NTN1: variants seen among roughly 807,000 people sequenced by gnomAD.
NTN1 encodes netrin-1.
In NTN1, 11 loss-of-function variants were observed where a neutral mutation model predicts 54.2. The observed-to-expected ratio is 0.20, with a 90% confidence interval of 0.13 to 0.34. NTN1 has a LOEUF of 0.34. Among genes scored for constraint, NTN1 ranks in the 10% least tolerant of loss-of-function variants. NTN1 has a pLI of 1.00. For missense variants in NTN1, 740 were observed against 893.1 expected (o/e 0.83, Z 2.18); for synonymous variants, 371 against 382.0 (o/e 0.97, Z 0.33).
intron 2 of NTN1, among the ~76,000 whole-genome samples, chr17:9,048,374 C>A (rs1597469080): frequency 1.3e-5 from 2 of 151,702 alleles, no homozygotes; most frequent in South Asian, 4.2e-4. Flanking sequence ...ATATTAAGTA[C>A]ACCATGCTGT....
intron 2 of NTN1, among the ~76,000 whole-genome samples, chr17:9,055,194 C>A (rs969535287): frequency 3.9e-5 from 6 of 152,194 alleles, no homozygotes; most frequent in Admixed American, 3.3e-4. Flanking sequence ...TGCACTCATT[C>A]ATTCAGTCCA....
At chr17:9,042,946 GTT>G (rs1310673487) in intron 2 of NTN1, among the ~76,000 whole-genome samples, 1 of 152,158 alleles carries the variant, frequency 6.6e-6, no homozygotes, top group Non-Finnish European at 1.5e-5. Context: ...GTCCTTGAAG[GTT>G]TGTTAGAATT....
chr17:9,152,453 A>G (rs573359771), intron 2 of NTN1, among the ~76,000 whole-genome samples: 7 of 152,200 alleles, frequency 4.6e-5, no homozygotes, highest in African/African-American at 1.7e-4. Context: ...TTCCCCTGGG[A>G]AGGCTCCCAT....
chr17:9,158,235 A>G (rs2092348779), intron 2 of NTN1, among the ~76,000 whole-genome samples: 2 of 152,090 alleles, frequency 1.3e-5, no homozygotes, highest in Non-Finnish European at 2.9e-5. Context: ...TTTAGGAAGA[A>G]CCTTTTGTTG....
chr17:9,015,568 C>T, the NTN1 span, among the ~76,000 whole-genome samples: 2 of 152,090 alleles, frequency 1.3e-5, no homozygotes, highest in African/African-American at 2.4e-5. Context: ...CTGGTGCCCC[C>T]GTTCCTGGAG....
In NTN1 at chr17:9,142,316, C is replaced by A. The variant is rs556143890; in HGVS notation, c.1019-20497C>A. Among the ~76,000 whole-genome samples, 64 of 150,746 alleles carry A rather than the reference C, an allele frequency of 4.2e-4. 2 individuals carry two copies. The highest frequency in any genetic ancestry group is 1.2e-3 in the East Asian group (6 of 5,118). On this transcript the variant is annotated intron_variant, in intron 2 of 6. Transcript: ENST00000173229. Reference sequence around the variant, plus strand: ...AAAGAAAAAAAAAAAAAGAAAAAAACCAAACAGTTGGGGGAATGGGCCTAG... The same window carrying A: ...AAAGAAAAAAAAAAAAAGAAAAAAAACAAACAGTTGGGGGAATGGGCCTAG...
At position 9,212,420 on chromosome 17, in the gene NTN1, ACT is replaced by A. The variant is rs1323253665; in HGVS notation, c.1412-8743_1412-8742del. On this transcript the variant is annotated intron_variant, in intron 5 of 6. Transcript: ENST00000173229. This position sits in a 1 kb window ranked among gnomAD's most constrained non-coding sequence, Gnocchi z 5.5. ...GAAAACCGAACACATGGAAATCTGG[ACT>A]CTCTGGCCGCGGAGATTCCATGCAG... Among the ~76,000 whole-genome samples the A allele has an allele frequency of 6.6e-6, 1 of 151,970 alleles. No individual in the cohort carries two copies. The highest frequency in any genetic ancestry group is 1.5e-5 in the Non-Finnish European group (1 of 67,982).
intron 6 of NTN1, among the ~76,000 whole-genome samples, chr17:9,228,125 A>G (rs1320988187): frequency 1.3e-5 from 2 of 152,218 alleles, no homozygotes; most frequent in East Asian, 3.9e-4. Flanking sequence ...CGACATACAG[A>G]CAAGGGCCAC....
intron 6 of NTN1, among the ~76,000 whole-genome samples, chr17:9,224,840 G>C (rs938010071): frequency 6.6e-6 from 1 of 152,150 alleles, no homozygotes; most frequent in Non-Finnish European, 1.5e-5. Context: ...GGGAGCTGAT[G>C]GGGGCTGGGG....
intron 2 of NTN1, among the ~76,000 whole-genome samples, chr17:9,102,223 C>T (rs1325736624): frequency 1.3e-5 from 2 of 152,284 alleles, no homozygotes; most frequent in South Asian, 2.1e-4. Flanking sequence ...AAGACATACC[C>T]GAGACTGGGT....
At chr17:9,088,277 A>G (rs1422082152) in intron 2 of NTN1, among the ~76,000 whole-genome samples, 1 of 152,212 alleles carries the variant, frequency 6.6e-6, no homozygotes, top group Non-Finnish European at 1.5e-5. Flanking sequence ...CACCTCTTCC[A>G]TGACTTGGAA....
At chr17:9,166,957 A>G (rs529881040) in intron 3 of NTN1, among the ~76,000 whole-genome samples, 1 of 152,256 alleles carries the variant, frequency 6.6e-6, no homozygotes, top group Admixed American at 6.5e-5. Context: ...TCCAAACATT[A>G]CTATGTAGTT....
chr17:9,080,890 G>A (rs1359120151), intron 2 of NTN1, among the ~76,000 whole-genome samples: 1 of 152,150 alleles, frequency 6.6e-6, no homozygotes, highest in Non-Finnish European at 1.5e-5. Context: ...GAAGCTCCTC[G>A]CCCTTCCCAC....
chr17:9,201,336 A>G (rs1339677547), intron 5 of NTN1, among the ~76,000 whole-genome samples: 2 of 152,138 alleles, frequency 1.3e-5, no homozygotes, highest in African/African-American at 4.8e-5. Context: ...AAGAGTTCTG[A>G]ACTTACTGTG....
chr17:9,145,059 G>A (rs1044551773), intron 2 of NTN1, among the ~76,000 whole-genome samples: 5 of 152,200 alleles, frequency 3.3e-5, no homozygotes, highest in Non-Finnish European at 5.9e-5. Context: ...GAGGCTGGCC[G>A]GCTCCCCAGC....
chr17:9,071,284 T>C (rs1277954832), intron 2 of NTN1, among the ~76,000 whole-genome samples: 1 of 152,084 alleles, frequency 6.6e-6, no homozygotes. Context: ...TCTTCCATGT[T>C]TCTCAAGCAT....
At chr17:9,103,988 C>T (rs1381109744) in intron 2 of NTN1, among the ~76,000 whole-genome samples, 1 of 145,880 alleles carries the variant, frequency 6.9e-6, no homozygotes, top group Non-Finnish European at 1.5e-5. Context: ...ACTCGGGAGG[C>T]TGAGGCACGA....
At chr17:9,163,710 A>G (rs1241229358) in intron 3 of NTN1, among the ~76,000 whole-genome samples, 3 of 152,244 alleles carry the variant, frequency 2.0e-5, no homozygotes, top group African/African-American at 7.2e-5. Flanking sequence ...ACCAACAAAA[A>G]TGAAGCAATG....
chr17:9,006,689 G>T, the NTN1 span, among the ~76,000 whole-genome samples: 1 of 152,226 alleles, frequency 6.6e-6, no homozygotes, highest in Admixed American at 6.5e-5. Context: ...CCCAACTAAT[G>T]CTATGCCCAG....
Sources: gnomAD v4.1 joint callset for allele counts (sites outside exome capture counted in the v4.1 genomes callset) on GRCh38, gnomAD v4.1.1 for gene constraint, Gnocchi (gnomAD v3.1) non-coding constraint, MANE v1.5 for transcripts, NCBI Gene and HGNC (gene_info 2026-07-23, HGNC 2026-07-21) for gene names.